Variants in WDR59 observed in about 807,000 individuals in gnomAD.
WDR59 encodes WD repeat domain 59.
WDR59 carries 100 observed loss-of-function variants against 131.2 expected under a neutral mutation model. The ratio of observed to expected loss-of-function variants is 0.76; its 90% CI spans 0.65 to 0.90. The LOEUF is 0.90. Among genes scored for constraint, WDR59 ranks in the 40% least tolerant of loss-of-function variants. WDR59 has a pLI of 0.00. For synonymous variants in WDR59, 601 were observed against 466.2 expected (o/e 1.29, Z -3.72); for missense variants, 1,203 against 1,262.2 (o/e 0.95, Z 0.71).
At chr16:74,906,313 C>CAAAAAAAAAAAA (rs762288713) in intron 17 of WDR59, among the ~76,000 whole-genome samples, 9,285 of 32,374 alleles carry the variant, frequency 0.29, 2,969 homozygotes, top group Non-Finnish European at 0.38. Flanking sequence ...GACTCCGTCT[C>CAAAAAAAAAAAA]AAAAAAAAAA....
chr16:74,946,710 G>A (rs1567421289), intron 6 of WDR59, among the ~76,000 whole-genome samples: 2 of 151,914 alleles, frequency 1.3e-5, no homozygotes, highest in East Asian at 1.9e-4. Context: ...GTGACAGAGT[G>A]AGGATCTGTC....
At position 74,873,949 on chromosome 16, in the gene WDR59, G is replaced by A; in HGVS notation, c.*260C>T. The A allele has an allele frequency of 4.3e-6, 2 of 461,200 alleles. No homozygotes were observed. The highest frequency in any genetic ancestry group is 7.9e-6 in the Non-Finnish European group (2 of 254,002). The allele number at this position is 461,200 out of a possible 1,614,324, so 28.6% of individuals were successfully genotyped here. On this transcript the variant is annotated 3_prime_UTR_variant, in exon 26 of 26. Coordinates refer to ENST00000262144, the MANE Select transcript of WDR59 (RefSeq NM_030581.4). ...CTCCATGAAAACTTCCACCTTGGTAGCTCAGCCGACATAGACAACACACAA... is the reference window on the plus strand; with the variant it reads ...CTCCATGAAAACTTCCACCTTGGTAACTCAGCCGACATAGACAACACACAA...
chr16:74,972,450 A>G (rs2034019627), intron 1 of WDR59, among the ~76,000 whole-genome samples: 1 of 152,148 alleles, frequency 6.6e-6, no homozygotes, highest in African/African-American at 2.4e-5. Context: ...AAAGGGAGGA[A>G]AAACTCTGCC....
chr16:74,897,817 T>A (rs1235740133), intron 18 of WDR59, among the ~76,000 whole-genome samples: 1 of 152,232 alleles, frequency 6.6e-6, no homozygotes, highest in East Asian at 1.9e-4. Context: ...GTCGGTTTTT[T>A]ATAATGTGTT....
intron 10 of WDR59, among the ~76,000 whole-genome samples, chr16:74,921,083 A>T (rs2030175534): frequency 6.6e-6 from 1 of 152,116 alleles, no homozygotes; most frequent in Non-Finnish European, 1.5e-5. Flanking sequence ...AGTAAAAAAA[A>T]ATTTTTTTTT....
chr16:74,962,660 G>T (rs1597802365), intron 2 of WDR59, among the ~76,000 whole-genome samples: 1 of 151,994 alleles, frequency 6.6e-6, no homozygotes, highest in South Asian at 2.1e-4. Flanking sequence ...TGCTAAAGTT[G>T]CTTATCAGCT....
At chr16:74,957,238 G>A (rs1442536997) in intron 2 of WDR59, among the ~76,000 whole-genome samples, 1 of 151,710 alleles carries the variant, frequency 6.6e-6, no homozygotes, top group African/African-American at 2.4e-5. Context: ...CCACCATCAC[G>A]CCTAACTAAT....
rs1033672024 is a variant in WDR59, at chr16:74,947,973, G to C, written c.445+546C>G. ...TAATCCCAGCTACTTGGGAGACTGA[G>C]GGAGGAGAATTGCTTGAACCTGGGA... On this transcript the variant is annotated intron_variant, in intron 6 of 25. Coordinates refer to ENST00000262144, the MANE Select transcript of WDR59 (RefSeq NM_030581.4). Among the ~76,000 whole-genome samples the C allele has an allele frequency of 2.6e-5, 4 of 152,156 alleles. No homozygotes were observed. The East Asian group carries it at 7.7e-4, about 29-fold the overall frequency.
At chr16:74,935,546 T>C (rs1221229336) in intron 8 of WDR59, among the ~76,000 whole-genome samples, 2 of 151,738 alleles carry the variant, frequency 1.3e-5, no homozygotes, top group African/African-American at 4.8e-5. Flanking sequence ...ATTTAGAAAA[T>C]AAAAATATAA....
At chr16:74,886,458 G>A in intron 23 of WDR59, 62 bp from the exon 24 acceptor site, 1 of 1,591,862 alleles carries the variant, frequency 6.3e-7, no homozygotes. Flanking sequence ...AATATCTGAA[G>A]AGTCTCATAA....
intron 1 of WDR59, among the ~76,000 whole-genome samples, chr16:74,977,997 C>T (rs2145245988): frequency 6.6e-6 from 1 of 152,134 alleles, no homozygotes; most frequent in Middle Eastern, 3.4e-3. Flanking sequence ...TGTGTGAGGC[C>T]AGGAGTTCAA....
rs375514799 is a variant in WDR59, at chr16:74,953,996, C to T, written c.241-2453G>A. Among the ~76,000 whole-genome samples the T allele has an allele frequency of 9.4e-5, 12 of 127,238 alleles. No homozygotes were observed. In the South Asian group the frequency reaches 1.2e-3, roughly 12 times the overall value. The allele number at this position is 127,238 out of a possible 152,430, so 83.5% of individuals were successfully genotyped here. A position where few individuals can be genotyped will look rare whatever the true frequency, so the allele number is the denominator to read the frequency against. ...CAGCCTGGGTGACAGAGCGAGACTC[C>T]GTCTCAAAAAAAAAAAGAAAAAGGG... On this transcript the variant is annotated intron_variant, in intron 3 of 25. Coordinates refer to ENST00000262144, the MANE Select transcript of WDR59 (RefSeq NM_030581.4).
chr16:74,980,623 G>A (rs2034362892), intron 1 of WDR59, among the ~76,000 whole-genome samples: 1 of 151,994 alleles, frequency 6.6e-6, no homozygotes, highest in Non-Finnish European at 1.5e-5. Flanking sequence ...TAAAGTGCTA[G>A]GATTACAGGC....
intron 8 of WDR59, 44 bp downstream of exon 8, chr16:74,938,106 C>T (rs775670463): frequency 1.4e-5 from 18 of 1,328,762 alleles, no homozygotes; most frequent in Non-Finnish European, 1.8e-5. Context: ...TCCCTGATGC[C>T]ACCCAAACAC....
intron 2 of WDR59, among the ~76,000 whole-genome samples, chr16:74,957,911 G>A (rs2033368794): frequency 6.6e-6 from 1 of 152,068 alleles, no homozygotes; most frequent in Non-Finnish European, 1.5e-5. Flanking sequence ...AAAAGCCAGG[G>A]GAATACACAA....
At chr16:74,889,531 A>G (rs1567691105) in intron 21 of WDR59, 172 bp downstream of exon 21, 5 of 590,296 alleles carry the variant, frequency 8.5e-6, no homozygotes, top group East Asian at 2.8e-5. Flanking sequence ...TCTGTCTGCT[A>G]TAAGAAGTTT....
intron 18 of WDR59, among the ~76,000 whole-genome samples, chr16:74,903,694 G>C (rs1033771930): frequency 1.5e-5 from 2 of 135,760 alleles, no homozygotes; most frequent in African/African-American, 2.9e-5. Flanking sequence ...TACGAGTGGA[G>C]ATTACAAGGA....
intron 3 of WDR59, among the ~76,000 whole-genome samples, chr16:74,955,598 G>A (rs954617252): frequency 1.3e-5 from 2 of 152,144 alleles, no homozygotes; most frequent in Non-Finnish European, 1.5e-5. Flanking sequence ...GTTAAAGGCA[G>A]ACTCTATTTT....
At chr16:74,978,895 G>A (rs1019537449) in intron 1 of WDR59, 5 of 152,160 alleles carry the variant, frequency 3.3e-5, no homozygotes, top group African/African-American at 7.2e-5. Flanking sequence ...GTGGAGACAC[G>A]AAGTAGGCAG....
Sources: allele counts gnomAD v4.1 joint callset (sites outside exome capture counted in the v4.1 genomes callset), GRCh38; gene constraint gnomAD v4.1.1; transcripts MANE v1.5; gene names NCBI Gene and HGNC (gene_info 2026-07-23, HGNC 2026-07-21).